Variants in NOBOX observed in about 807,000 individuals in gnomAD.
NOBOX encodes NOBOX oogenesis homeobox.
A neutral mutation model predicts 60.2 loss-of-function variants in NOBOX; 46 were observed. The observed-to-expected ratio is 0.76, with a 90% CI of 0.60 to 0.98. The LOEUF is 0.98. NOBOX is among the 50% of genes least tolerant of loss of function. NOBOX has a pLI of 0.00. For synonymous variants in NOBOX, 360 were observed against 346.3 expected (o/e 1.04, Z -0.44); for missense variants, 880 against 865.5 (o/e 1.02, Z -0.21).
chr7:144,403,738 C>T, intron 2 of NOBOX, 45 bp from the exon 1 acceptor site: 1 of 692,202 alleles, frequency 1.4e-6, no homozygotes, highest in South Asian at 1.5e-5. Context: ...TGCACAGGCG[C>T]GGCCTAATGA....
chr7:144,399,578 C>T lies in NOBOX; in HGVS notation c.1155-96G>A, dbSNP rs1334124712. ...AGAGACACCAATTCCCAAACTCTGC[C>T]TCCTACAGGGCATTGGCAACTTCCC... On this transcript the variant is annotated intron_variant, in intron 6 of 9. Transcript: ENST00000467773. The T allele has an allele frequency of 3.3e-6, 4 of 1,212,600 alleles. No homozygotes were observed. In the African/African-American group the frequency reaches 4.5e-5, roughly 14 times the overall value. 75.1% of individuals were successfully genotyped at this position (1,212,600 alleles called of 1,614,324 possible). A position where few individuals can be genotyped will look rare whatever the true frequency, so the allele number is the denominator to read the frequency against.
At chr7:144,397,571 A>T in intron 9 of NOBOX, 30 bp from the exon 8 acceptor site, 1 of 1,476,284 alleles carries the variant, frequency 6.8e-7, no homozygotes, top group Non-Finnish European at 9.0e-7. Context: ...AGGAATTACC[A>T]GACAGGATGG....
chr7:144,400,824 C>T (rs1354070937), intron 4 of NOBOX, among the ~76,000 whole-genome samples: 1 of 152,224 alleles, frequency 6.6e-6, no homozygotes, highest in Non-Finnish European at 1.5e-5. Flanking sequence ...AGGCATGAGC[C>T]ACTGTGCCTG....
chr7:144,399,239 C>T (rs573559680), intron 7 of NOBOX, 61 bp from the exon 6 acceptor site: 12 of 979,244 alleles, frequency 1.2e-5, no homozygotes, highest in Middle Eastern at 2.1e-4. Flanking sequence ...GGTTTGGCAT[C>T]GCTGAATGGT....
Position 144,402,422 on chromosome 7 carries a change from A to C in NOBOX, c.211-472T>G, listed in dbSNP as rs1159177384. Among the ~76,000 whole-genome samples, 3 of 152,146 alleles carry C rather than the reference A, an allele frequency of 2.0e-5. No homozygotes were observed. The East Asian group carries it at 5.8e-4, about 29-fold the overall frequency. ...TCAAAGATTAGCACAGTGCATATTT[A>C]ATCTCTGCAAGAACGGCACTGCTAA... On this transcript the variant is annotated intron_variant, in intron 2 of 9. Coordinates refer to ENST00000467773, the MANE Select transcript of NOBOX (RefSeq NM_001080413.3).
At chr7:144,400,905 G>T in intron 4 of NOBOX, 141 bp downstream of exon 2, 1 of 596,364 alleles carries the variant, frequency 1.7e-6, no homozygotes, top group Non-Finnish European at 2.6e-6. Context: ...GCACTACCGC[G>T]GCCCAAGAGA....
intron 9 of NOBOX, among the ~76,000 whole-genome samples, chr7:144,398,071 T>G (rs937040550): frequency 6.6e-6 from 1 of 152,208 alleles, no homozygotes; most frequent in Non-Finnish European, 1.5e-5. Context: ...GTTTTCCTGA[T>G]GCCAAACTCC....
At chr7:144,397,218 T>C, downstream of NOBOX, 1 of 1,513,490 alleles carries the variant, frequency 6.6e-7, no homozygotes, top group Non-Finnish European at 8.8e-7. Context: ...AAGCAGCCTC[T>C]TTTCACTCTT....
rs577191867 is a variant in NOBOX, at chr7:144,399,881, C to G, written c.1048-18G>C. 6.3e-7 allele frequency: 1 copy of G among 1,587,336 alleles called. No homozygotes were observed. The highest frequency in any genetic ancestry group is 1.3e-5 in the African/African-American group (1 of 74,656). Reference sequence around the variant, plus strand: ...AACCACACCTATGGGGGGAAAGGTGCTTGAAGAACTGGAGAAGAGGGGCAG... The same window carrying G: ...AACCACACCTATGGGGGGAAAGGTGGTTGAAGAACTGGAGAAGAGGGGCAG... On this transcript the variant is annotated intron_variant, in intron 5 of 9. Coordinates refer to ENST00000467773, the MANE Select transcript of NOBOX (RefSeq NM_001080413.3).
Position 144,401,861 on chromosome 7 carries a change from G to C in NOBOX, c.292+8C>G, listed in dbSNP as rs749678424. The C allele has an allele frequency of 1.3e-6, 2 of 1,573,504 alleles. No homozygotes were observed. Among genetic ancestry groups the C allele is most frequent in the Non-Finnish European group, 1.7e-6 (2 of 1,144,190 alleles). On this transcript the variant is annotated splice_region_variant and intron_variant, in intron 3 of 9. Transcript: ENST00000467773. This position sits in a 1 kb window ranked among gnomAD's most constrained non-coding sequence, Gnocchi z 4.2. ...GCTCATGGTATCTCCTAATTTGGGG[G>C]TACTCACCCCTTGTGAGTTCCCTTT...
chr7:144,402,197 A>G (rs2053946242), intron 2 of NOBOX, among the ~76,000 whole-genome samples: 1 of 77,508 alleles, frequency 1.3e-5, no homozygotes, highest in Non-Finnish European at 2.6e-5. Context: ...CCACCCCACT[A>G]CCATCCAGCA....
Position 144,399,066 on chromosome 7 carries a change from G to A in NOBOX, c.1353C>T (p.Ala451=), listed in dbSNP as rs780873111. Residue 451 remains alanine (A), a synonymous_variant, in exon 8 of 10, where the codon GCC becomes GCT. Coordinates refer to ENST00000467773, the MANE Select transcript of NOBOX (RefSeq NM_001080413.3). ...CAGGGCCAAGGGGGAAAGGAAGATC[G>A]GCCCTTCGCACAGGTGGGGGGCTGA... The A allele has an allele frequency of 2.2e-5, 33 of 1,501,112 alleles. No individual in the cohort carries two copies. The highest frequency in any genetic ancestry group is 2.8e-5 in the Non-Finnish European group (30 of 1,079,918). The allele number at this position is 1,501,112 out of a possible 1,614,324, so 93.0% of individuals were successfully genotyped here. A position where few individuals can be genotyped will look rare whatever the true frequency, so the allele number is the denominator to read the frequency against.
At chr7:144,403,778 C>T (rs1369210052) in intron 2 of NOBOX, 85 bp from the exon 1 acceptor site, 2 of 515,006 alleles carry the variant, frequency 3.9e-6, no homozygotes, top group Admixed American at 3.5e-5. Flanking sequence ...GTGTGCAGCC[C>T]GCACGGGCCG....
chr7:144,404,209 A>C (rs1218686912), intron 2 of NOBOX, among the ~76,000 whole-genome samples: 1 of 152,292 alleles, frequency 6.6e-6, no homozygotes, highest in African/African-American at 2.4e-5. Context: ...GGCCCCTCCA[A>C]GCCTCAGTAT....
In NOBOX at chr7:144,404,636, G is replaced by A. The variant is rs531700272; in HGVS notation, c.130C>T (p.Arg44Trp). The A allele has an allele frequency of 5.8e-5, 93 of 1,613,914 alleles. No individual in the cohort carries two copies. The highest frequency in any genetic ancestry group is 7.8e-5 in the Non-Finnish European group (92 of 1,179,804). Residue 44 changes from arginine (R) to tryptophan (W), a missense_variant, in exon 2 of 10, where the codon CGG (arginine) becomes TGG (tryptophan). Physicochemically the swap from Arg to Trp is moderately radical, Grantham distance 101. Coordinates refer to ENST00000467773, the MANE Select transcript of NOBOX (RefSeq NM_001080413.3). ...AAAGAGCCACAGACTCCGTAGATCC[G>A]GTACAGTCCACACACAGGAAATTCA...
intron 1 of NOBOX, among the ~76,000 whole-genome samples, chr7:144,406,776 T>C (rs1226429280): frequency 6.6e-6 from 1 of 152,202 alleles, no homozygotes; most frequent in East Asian, 1.9e-4. Flanking sequence ...ATATCTTCCA[T>C]GGATCAACTT....
rs775275542 is a variant in NOBOX at position 144,404,534 on chromosome 7, C to T, written c.210+22G>A. 11 of 1,605,724 alleles carry T rather than the reference C, an allele frequency of 6.9e-6. No individual in the cohort carries two copies. The African/African-American group carries it at 1.1e-4, about 16-fold the overall frequency. On this transcript the variant is annotated intron_variant, in intron 2 of 9. Coordinates refer to ENST00000467773, the MANE Select transcript of NOBOX (RefSeq NM_001080413.3). ...AAACTGCTGGAATTACAGGCGTGAG[C>T]CACAGCGCTCGCCCCCCGTACTGAT...
At chr7:144,400,068 T>TCAGGGACACAGC in intron 5 of NOBOX, 138 bp downstream of exon 3, 2 of 1,582,946 alleles carry the variant, frequency 1.3e-6, no homozygotes, top group South Asian at 2.2e-5. Flanking sequence ...CTGGAAACAG[T>TCAGGGACACAGC]CAGGGACACA....
At chr7:144,408,313 C>G (rs1376671127) in intron 1 of NOBOX, among the ~76,000 whole-genome samples, 1 of 151,868 alleles carries the variant, frequency 6.6e-6, no homozygotes, top group African/African-American at 2.4e-5. Flanking sequence ...TCTGGGGAAG[C>G]CTGGCTCAGC....
Sources: gnomAD v4.1 joint callset for allele counts (sites outside exome capture counted in the v4.1 genomes callset) on GRCh38, gnomAD v4.1.1 for gene constraint, Gnocchi (gnomAD v3.1) non-coding constraint, MANE v1.5 for transcripts, NCBI Gene and HGNC (gene_info 2026-07-23, HGNC 2026-07-21) for gene names.